The following AKT3 variants were observed in gnomAD, a reference collection of about 807,000 sequenced individuals.
The protein encoded by AKT3 is RAC-gamma serine/threonine-protein kinase.
In AKT3, 15 loss-of-function variants were observed where a neutral mutation model predicts 65.3. That is an observed-to-expected ratio of 0.23 (90% CI 0.15 to 0.35). The LOEUF is 0.35. Among genes scored for constraint, AKT3 ranks in the 10% least tolerant of loss-of-function variants. The pLI, the probability that AKT3 is intolerant of heterozygous loss-of-function variation, is 1.00. For synonymous variants in AKT3, 206 were observed against 183.8 expected (o/e 1.12, Z -0.98); for missense variants, 243 against 576.5 (o/e 0.42, Z 5.92).
At chr1:243,491,617 G>T (rs1019981022) in intron 13 of AKT3, among the ~76,000 whole-genome samples, 9 of 152,230 alleles carry the variant, frequency 5.9e-5, no homozygotes, top group African/African-American at 1.9e-4. Context: ...GGGGCTGTCA[G>T]TGGGCTTCAG....
At chr1:243,535,883 C>G (rs1233372415) in intron 12 of AKT3, among the ~76,000 whole-genome samples, 1 of 152,122 alleles carries the variant, frequency 6.6e-6, no homozygotes, top group African/African-American at 2.4e-5. Context: ...ACATTAACAT[C>G]TATTGTTTTT....
chr1:243,560,781 C>G (rs1326246502), intron 10 of AKT3, among the ~76,000 whole-genome samples: 1 of 152,092 alleles, frequency 6.6e-6, no homozygotes, highest in Admixed American at 6.5e-5. Flanking sequence ...GTTGATGACA[C>G]TGCATATGAA....
chr1:243,758,913 C>T (rs76856798), intron 2 of AKT3, among the ~76,000 whole-genome samples: 2,530 of 152,218 alleles, frequency 0.017, 33 homozygotes, highest in South Asian at 0.071. Flanking sequence ...CCTATAGATT[C>T]CTGAAAGGAC....
chr1:243,846,124 T>C (rs1239853286), intron 1 of AKT3, among the ~76,000 whole-genome samples: 1 of 152,180 alleles, frequency 6.6e-6, no homozygotes, highest in Non-Finnish European at 1.5e-5. Context: ...CTCAAAAGTT[T>C]GATAATTGGA....
intron 2 of AKT3, among the ~76,000 whole-genome samples, chr1:243,697,663 GA>G (rs1290123399): frequency 6.6e-6 from 1 of 151,988 alleles, no homozygotes; most frequent in African/African-American, 2.4e-5. Context: ...TCCTAATGTT[GA>G]CACATTTCAT....
chr1:243,831,313 G>A (rs1482690786), intron 2 of AKT3, among the ~76,000 whole-genome samples: 2 of 152,142 alleles, frequency 1.3e-5, no homozygotes, highest in Non-Finnish European at 2.9e-5. Flanking sequence ...GTAATAACAA[G>A]GCAATAGAAA....
intron 8 of AKT3, among the ~76,000 whole-genome samples, chr1:243,583,203 C>T (rs1411201194): frequency 1.2e-4 from 16 of 138,092 alleles, no homozygotes; most frequent in African/African-American, 3.2e-4. Context: ...TATACACACA[C>T]ACACACACAC....
At chr1:243,528,673 C>A (rs531832840) in intron 12 of AKT3, among the ~76,000 whole-genome samples, 1 of 152,198 alleles carries the variant, frequency 6.6e-6, no homozygotes, top group Admixed American at 6.5e-5. Flanking sequence ...TTGATGACTG[C>A]ATAGTATTCC....
intron 2 of AKT3, among the ~76,000 whole-genome samples, chr1:243,769,132 C>A (rs1384057498): frequency 6.6e-6 from 1 of 151,978 alleles, no homozygotes; most frequent in Non-Finnish European, 1.5e-5. Flanking sequence ...TTTCACTTAG[C>A]CGAGCTTTTC....
intron 8 of AKT3, among the ~76,000 whole-genome samples, chr1:243,596,924 T>G (rs1676656638): frequency 6.6e-6 from 1 of 152,176 alleles, no homozygotes; most frequent in Non-Finnish European, 1.5e-5. Context: ...TTACGCAGAA[T>G]GAAAGAAGTA....
At chr1:243,782,312 G>A (rs1474080748) in intron 2 of AKT3, among the ~76,000 whole-genome samples, 1 of 152,198 alleles carries the variant, frequency 6.6e-6, no homozygotes, top group Non-Finnish European at 1.5e-5. Flanking sequence ...AAAGTAGGGA[G>A]CTTATAAACA....
chr1:243,497,450 G>A (rs962673401), downstream of AKT3, among the ~76,000 whole-genome samples: 24 of 152,012 alleles, frequency 1.6e-4, no homozygotes, highest in African/African-American at 5.8e-4. Context: ...AGATGGCCAT[G>A]GCTGATCTGC....
chr1:243,698,671 A>G (rs1221801799), intron 2 of AKT3, among the ~76,000 whole-genome samples: 1 of 152,124 alleles, frequency 6.6e-6, no homozygotes, highest in Non-Finnish European at 1.5e-5. Context: ...CATAGAAGAA[A>G]AATTTTAAAG....
At chr1:243,590,867 T>G (rs747996635) in intron 8 of AKT3, among the ~76,000 whole-genome samples, 1 of 152,132 alleles carries the variant, frequency 6.6e-6, no homozygotes, top group Non-Finnish European at 1.5e-5. Flanking sequence ...TTTTCTAAAA[T>G]TGGATAAATA....
rs1166008434 is a variant in AKT3, at chr1:243,500,562, A to AAAGT, written c.*4683_*4686dup. The stretch of plus-strand genomic sequence containing the variant: ...ACACAATTAAGCCCTCAAATGCTTT[A>AAAGT]AAGTAATAAAAACGGACACTGGACA... On this transcript the variant is annotated 3_prime_UTR_variant, in exon 14 of 14. Transcript: ENST00000673466. 6 of 228,012 alleles carry AAAGT rather than the reference A, an allele frequency of 2.6e-5. No individual in the cohort carries two copies. Among genetic ancestry groups the AAAGT allele is most frequent in the African/African-American group, 1.3e-4 (6 of 45,100 alleles). 14.1% of individuals were successfully genotyped at this position (228,012 alleles called of 1,614,324 possible). A position where few individuals can be genotyped will look rare whatever the true frequency, so the allele number is the denominator to read the frequency against.
At chr1:243,540,475 AC>A (rs1216506080) in intron 12 of AKT3, among the ~76,000 whole-genome samples, 5 of 152,326 alleles carry the variant, frequency 3.3e-5, no homozygotes, top group African/African-American at 1.2e-4. Context: ...CTATATTATA[AC>A]ATCATGTTTT....
Position 243,711,974 on chromosome 1 carries a change from T to A in AKT3, c.47-16258A>T, listed in dbSNP as rs1284416697. Among the ~76,000 whole-genome samples, 4 of 152,224 alleles carry A rather than the reference T, an allele frequency of 2.6e-5. No homozygotes were observed. In the South Asian group the frequency reaches 8.3e-4, roughly 31 times the overall value. ...TAAAGCATAGACCTGCAAGTTTGCT[T>A]GTGTATAAAAGTTGGTATAAGCTTG... On this transcript the variant is annotated intron_variant, in intron 2 of 13. Coordinates refer to ENST00000673466, the MANE Select transcript of AKT3 (RefSeq NM_005465.7).
At chr1:243,784,903 G>T (rs1337891250) in intron 2 of AKT3, among the ~76,000 whole-genome samples, 1 of 152,040 alleles carries the variant, frequency 6.6e-6, no homozygotes, top group Non-Finnish European at 1.5e-5. Context: ...TGGGACTACA[G>T]GAGTGCACCA....
intron 12 of AKT3, among the ~76,000 whole-genome samples, chr1:243,521,755 A>C (rs1024978514): frequency 6.6e-6 from 1 of 152,204 alleles, no homozygotes; most frequent in Non-Finnish European, 1.5e-5. Context: ...AAGACATTAA[A>C]TGTTTAATTA....
Sources: gnomAD v4.1 joint callset for allele counts (sites outside exome capture counted in the v4.1 genomes callset) on GRCh38, gnomAD v4.1.1 for gene constraint, MANE v1.5 for transcripts, NCBI Gene and HGNC (gene_info 2026-07-23, HGNC 2026-07-21) for gene names.